The following MTA3 variants were observed in gnomAD, a reference collection of about 807,000 sequenced individuals.
MTA3 encodes metastasis associated 1 family member 3.
In MTA3, 34 loss-of-function variants were observed where a neutral mutation model predicts 83.5. The ratio of observed to expected loss-of-function variants is 0.41; its 90% CI spans 0.31 to 0.54. The LOEUF (loss-of-function observed/expected upper bound fraction) is 0.54. Ranked by LOEUF, MTA3 falls within the 20% of genes least tolerant of loss-of-function variation. The probability of loss-of-function intolerance (pLI) is 0.33; values close to 1 mark genes in which losing one functional copy is unlikely to be tolerated. For missense variants in MTA3, 761 were observed against 726.4 expected, an observed-to-expected ratio of 1.05 and a Z score of -0.55; for synonymous variants, 303 against 252.7, an observed-to-expected ratio of 1.20 and a Z score of -1.89.
At position 42,548,802 on chromosome 2, in the gene MTA3, C is replaced by CAAA. The variant is rs1362657510; in HGVS notation, c.-140-21628_-140-21626dup. Reference sequence around the variant, plus strand: ...TGGGTGACAGAGTGAGACCCTGTCTCAAAAAAAAATATATATATATATATA... The same window carrying CAAA: ...TGGGTGACAGAGTGAGACCCTGTCTCAAAAAAAAAAAATATATATATATATATA... On this transcript the variant is annotated intron_variant, in intron 2 of 17. Transcript: ENST00000405592. Among the ~76,000 whole-genome samples the CAAA allele has an allele frequency of 1.8e-3, 78 of 42,950 alleles. 3 individuals are homozygous for CAAA. Among genetic ancestry groups the CAAA allele is most frequent in the African/African-American group, 0.01 (70 of 6,758 alleles). 28.2% of individuals were successfully genotyped at this position (42,950 alleles called of 152,430 possible).
At chr2:42,606,812 C>T (rs541578809) in intron 3 of MTA3, among the ~76,000 whole-genome samples, 1 of 150,366 alleles carries the variant, frequency 6.7e-6, no homozygotes, top group Admixed American at 6.7e-5. Context: ...GTGAACGAGA[C>T]TCCGTCTGCA....
intron 3 of MTA3, among the ~76,000 whole-genome samples, chr2:42,597,375 C>CTTTTTTTTTT (rs35943826): frequency 9.2e-6 from 1 of 108,456 alleles, no homozygotes; most frequent in Non-Finnish European, 1.8e-5. Flanking sequence ...GACAAGTTAT[C>CTTTTTTTTTT]TTTTTTTTTT....
intron 2 of MTA3, among the ~76,000 whole-genome samples, chr2:42,497,174 C>G (rs1429243927): frequency 6.6e-6 from 1 of 150,844 alleles, no homozygotes; most frequent in East Asian, 2.0e-4. Context: ...CCATTGGACT[C>G]CAGCCTGGGC....
chr2:42,622,749 C>G (rs1218480970), intron 4 of MTA3, among the ~76,000 whole-genome samples: 2 of 151,704 alleles, frequency 1.3e-5, no homozygotes, highest in African/African-American at 4.8e-5. Context: ...ACCTTAGTCT[C>G]TCAAAGTGCT....
intron 3 of MTA3, among the ~76,000 whole-genome samples, chr2:42,594,695 TATAA>T (rs1558472728): frequency 2.1e-5 from 2 of 93,198 alleles, no homozygotes; most frequent in African/African-American, 8.8e-5. Flanking sequence ...TATATACATA[TATAA>T]ATATACATAT....
At chr2:42,558,922 C>G (rs1381804739) in intron 2 of MTA3, among the ~76,000 whole-genome samples, 2 of 151,950 alleles carry the variant, frequency 1.3e-5, no homozygotes, top group Admixed American at 6.6e-5. Context: ...TGGGGTGGAG[C>G]TCAGCCTTGT....
intron 9 of MTA3, among the ~76,000 whole-genome samples, chr2:42,695,333 A>G (rs1372217564): frequency 6.6e-6 from 1 of 152,040 alleles, no homozygotes; most frequent in Non-Finnish European, 1.5e-5. Context: ...CATTATTTTA[A>G]TAAAGAAGTG....
chr2:42,670,763 T>G (rs1431256830), intron 8 of MTA3, among the ~76,000 whole-genome samples: 1 of 151,128 alleles, frequency 6.6e-6, no homozygotes, highest in African/African-American at 2.4e-5. Context: ...TATATATATA[T>G]AGTTCTTAAC....
chr2:42,612,062 C>T (rs1484810615), intron 4 of MTA3, among the ~76,000 whole-genome samples: 3 of 151,904 alleles, frequency 2.0e-5, no homozygotes, highest in South Asian at 2.1e-4. Flanking sequence ...ACAGTTAGGC[C>T]GGGTAATATG....
rs1396721158 is a variant in MTA3, at chr2:42,548,833, T to TATATATATATA, written c.-140-21603_-140-21593dup. Among the ~76,000 whole-genome samples, 11 of 11,510 alleles carry TATATATATATA rather than the reference T, an allele frequency of 9.6e-4. 2 individuals are homozygous for TATATATATATA. The highest frequency in any genetic ancestry group is 3.1e-3 in the South Asian group (1 of 322). The allele number at this position is 11,510 out of a possible 152,430, so 7.6% of individuals were successfully genotyped here. A position where few individuals can be genotyped will look rare whatever the true frequency, so the allele number is the denominator to read the frequency against. ...AAAATATATATATATATATATAATA[T>TATATATATATA]ATATATATATATAATATATATATAT... On this transcript the variant is annotated intron_variant, in intron 2 of 17. Coordinates refer to the MTA3 transcript ENST00000405592.
chr2:42,653,208 A>G (rs1688871810), intron 6 of MTA3, among the ~76,000 whole-genome samples: 2 of 152,202 alleles, frequency 1.3e-5, no homozygotes. Flanking sequence ...GTAGGAATTT[A>G]GAGGTTAGGG....
At chr2:42,716,250 G>T (rs990188571) in intron 14 of MTA3, among the ~76,000 whole-genome samples, 4 of 152,082 alleles carry the variant, frequency 2.6e-5, no homozygotes, top group Admixed American at 2.6e-4. Context: ...CCAATATCTG[G>T]GTGCTATATT....
chr2:42,629,883 AT>A (rs1353263793), intron 4 of MTA3, among the ~76,000 whole-genome samples: 1 of 151,914 alleles, frequency 6.6e-6, no homozygotes, highest in Non-Finnish European at 1.5e-5. Flanking sequence ...GGTTCAAGCA[AT>A]TCTTGTGCCT....
At chr2:42,747,334 C>A (rs1034815965) in intron 16 of MTA3, among the ~76,000 whole-genome samples, 2 of 152,100 alleles carry the variant, frequency 1.3e-5, no homozygotes, top group East Asian at 1.9e-4. Flanking sequence ...CTCTGTGCAG[C>A]ATTCATTCCT....
chr2:42,554,634 G>A (rs913917491), intron 2 of MTA3, among the ~76,000 whole-genome samples: 25 of 152,138 alleles, frequency 1.6e-4, no homozygotes, highest in East Asian at 3.9e-4. Flanking sequence ...AAGCCAGCCC[G>A]AATGACAGCT....
intron 2 of MTA3, among the ~76,000 whole-genome samples, chr2:42,511,213 TTAA>T (rs1182259689): frequency 6.6e-6 from 1 of 152,178 alleles, no homozygotes; most frequent in Non-Finnish European, 1.5e-5. Flanking sequence ...GACTCCACAC[TTAA>T]TAATTGATAT....
At chr2:42,515,249 G>A (rs1675091195) in intron 2 of MTA3, among the ~76,000 whole-genome samples, 1 of 151,874 alleles carries the variant, frequency 6.6e-6, no homozygotes, top group African/African-American at 2.4e-5. Flanking sequence ...AGTAGAGACA[G>A]GGTTTCACCC....
chr2:42,497,581 T>A (rs1227589091), intron 2 of MTA3, among the ~76,000 whole-genome samples: 3 of 147,958 alleles, frequency 2.0e-5, no homozygotes, highest in Non-Finnish European at 4.5e-5. Context: ...CGAGACTCCA[T>A]CTCAAAAAAA....
At chr2:42,739,460 A>AT (rs397816171) in intron 16 of MTA3, among the ~76,000 whole-genome samples, 91 of 151,424 alleles carry the variant, frequency 6.0e-4, no homozygotes, top group African/African-American at 2.1e-3. Flanking sequence ...AAAAAAAAAA[A>AT]GCTAATGATC....
Sources: gnomAD v4.1 joint callset for allele counts (sites outside exome capture counted in the v4.1 genomes callset) on GRCh38, gnomAD v4.1.1 for gene constraint, MANE v1.5 for transcripts, NCBI Gene and HGNC (gene_info 2026-07-23, HGNC 2026-07-21) for gene names.